Variants in SRGAP1 observed in about 807,000 individuals in gnomAD.
SRGAP1 encodes SLIT-ROBO Rho GTPase-activating protein 1.
SRGAP1 carries 43 observed loss-of-function variants against 121.9 expected under a neutral mutation model. That is an observed-to-expected ratio of 0.35 (90% CI 0.28 to 0.46). The LOEUF (loss-of-function observed/expected upper bound fraction) is 0.46. SRGAP1 is among the 20% of genes least tolerant of loss of function. The probability of loss-of-function intolerance (pLI) is 1.00; values close to 1 mark genes in which losing one functional copy is unlikely to be tolerated. For synonymous variants in SRGAP1, 447 were observed against 485.4 expected (o/e 0.92, Z 1.04); for missense variants, 1,102 against 1,350.9 (o/e 0.82, Z 2.89).
chr12:64,032,219 A>C lies in SRGAP1; in HGVS notation c.490-10571A>C, dbSNP rs569715250. On this transcript the variant is annotated intron_variant, in intron 4 of 21. Transcript: ENST00000355086. ...GCTCCAGTGCTTCTCCCACTGGAAG[A>C]CTGAATCTCAGGTTCTACACAGGAA... Among the ~76,000 whole-genome samples, 5 of 152,186 alleles carry C rather than the reference A, an allele frequency of 3.3e-5. No individual in the cohort carries two copies. The East Asian group carries it at 7.8e-4, about 24-fold the overall frequency.
chr12:63,916,027 CTTTTCTTTTTT>C (rs1313772262), intron 1 of SRGAP1, among the ~76,000 whole-genome samples: 1 of 86,330 alleles, frequency 1.2e-5, no homozygotes, highest in Non-Finnish European at 2.2e-5. Flanking sequence ...CTTTTCTTTT[CTTTTCTTTTTT>C]TTTTTTTTTT....
At chr12:63,925,215 C>T (rs552630524) in intron 1 of SRGAP1, among the ~76,000 whole-genome samples, 1 of 152,142 alleles carries the variant, frequency 6.6e-6, no homozygotes, top group Non-Finnish European at 1.5e-5. Flanking sequence ...GCAAATCATA[C>T]CAGCATTCAT....
At chr12:64,091,407 A>T (rs1452268748) in intron 12 of SRGAP1, 29 bp downstream of exon 12, 2 of 1,516,806 alleles carry the variant, frequency 1.3e-6, no homozygotes, top group Non-Finnish European at 1.8e-6. Context: ...TGGGTGGCTG[A>T]TCTCCATGCT....
At chr12:64,001,761 G>T (rs2033907145) in intron 3 of SRGAP1, among the ~76,000 whole-genome samples, 1 of 152,186 alleles carries the variant, frequency 6.6e-6, no homozygotes, top group Non-Finnish European at 1.5e-5. Context: ...GCTAAGTAAA[G>T]TGTTGCTTAA....
chr12:63,847,831 A>G (rs1898950978), intron 1 of SRGAP1, among the ~76,000 whole-genome samples: 1 of 151,912 alleles, frequency 6.6e-6, no homozygotes. Context: ...TTTTGATTAT[A>G]TGTATTTTTT....
chr12:64,050,099 T>G (rs2035211140), intron 6 of SRGAP1, among the ~76,000 whole-genome samples: 1 of 152,178 alleles, frequency 6.6e-6, no homozygotes, highest in Admixed American at 6.5e-5. Context: ...GTAGAGATCT[T>G]TCACTTCTTT....
At chr12:63,906,163 C>T (rs539898696) in intron 1 of SRGAP1, among the ~76,000 whole-genome samples, 72 of 152,296 alleles carry the variant, frequency 4.7e-4, no homozygotes, top group African/African-American at 1.6e-3. Context: ...TCCCTGGCTT[C>T]CTTCACTTAG....
Position 64,004,458 on chromosome 12 carries a change from A to G in SRGAP1, c.427-12492A>G, listed in dbSNP as rs141665730. ...GTGGTCTCAGCTCACTGCAACTTCC[A>G]CCTTCCGAGTTCAAGTGATTCTCCT... On this transcript the variant is annotated intron_variant, in intron 3 of 21. Transcript: ENST00000355086. Among the ~76,000 whole-genome samples, 224 of 152,072 alleles carry G rather than the reference A, an allele frequency of 1.5e-3. 1 individual carries two copies. The highest frequency in any genetic ancestry group is 5.0e-3 in the African/African-American group (208 of 41,496).
At chr12:64,113,549 T>C (rs554604916) in intron 17 of SRGAP1, among the ~76,000 whole-genome samples, 2 of 152,308 alleles carry the variant, frequency 1.3e-5, no homozygotes, top group South Asian at 2.1e-4. Flanking sequence ...TTTGAGGTGA[T>C]GGATATCCCA....
At chr12:64,127,156 ATGT>A (rs1333324880) in intron 19 of SRGAP1, among the ~76,000 whole-genome samples, 1 of 152,196 alleles carries the variant, frequency 6.6e-6, no homozygotes, top group Non-Finnish European at 1.5e-5. Flanking sequence ...GCACTCTATG[ATGT>A]TCCCACAATG....
intron 1 of SRGAP1, among the ~76,000 whole-genome samples, chr12:63,896,932 T>C (rs1341639055): frequency 6.6e-6 from 1 of 152,228 alleles, no homozygotes; most frequent in East Asian, 1.9e-4. Flanking sequence ...TACTTTACCC[T>C]GGGTTTCGTT....
chr12:63,999,178 T>G (rs916893268), intron 3 of SRGAP1, among the ~76,000 whole-genome samples: 2 of 152,034 alleles, frequency 1.3e-5, no homozygotes, highest in African/African-American at 4.8e-5. Context: ...CGTGAGAGAT[T>G]TCATGGAGGA....
At chr12:64,001,628 A>G (rs115882941) in intron 3 of SRGAP1, among the ~76,000 whole-genome samples, 250 of 152,312 alleles carry the variant, frequency 1.6e-3, no homozygotes, top group African/African-American at 5.1e-3. Context: ...TATTACACAT[A>G]TATTGAGGAC....
intron 1 of SRGAP1, among the ~76,000 whole-genome samples, chr12:63,869,047 A>T (rs1391686907): frequency 6.6e-6 from 1 of 152,196 alleles, no homozygotes; most frequent in Non-Finnish European, 1.5e-5. Flanking sequence ...CAAAGGCATA[A>T]TCCTCTCATT....
intron 1 of SRGAP1, among the ~76,000 whole-genome samples, chr12:63,855,058 T>C (rs961822128): frequency 1.3e-5 from 2 of 152,266 alleles, no homozygotes; most frequent in African/African-American, 4.8e-5. Flanking sequence ...GACTTTAAAC[T>C]AGAGAGATTT....
At chr12:64,044,171 C>A (rs139922750) in intron 6 of SRGAP1, among the ~76,000 whole-genome samples, 1,558 of 152,270 alleles carry the variant, frequency 0.01, 16 homozygotes, top group Non-Finnish European at 0.013. Context: ...TCTCCTAATA[C>A]ATATTCATTA....
At chr12:63,989,605 C>G (rs929926508) in intron 2 of SRGAP1, among the ~76,000 whole-genome samples, 4 of 152,218 alleles carry the variant, frequency 2.6e-5, no homozygotes, top group Non-Finnish European at 2.9e-5. Context: ...GCGTTTAAAG[C>G]TGAGGGCCTG....
chr12:64,105,728 T>G (rs59776688), intron 15 of SRGAP1, among the ~76,000 whole-genome samples: 14,361 of 152,002 alleles, frequency 0.094, 1,618 homozygotes, highest in African/African-American at 0.27. Context: ...AGGTTGCAGT[T>G]AGCTGACATC....
rs148183895 is a variant in SRGAP1, at chr12:63,855,628, C to T, written c.67+10745C>T. ...GCCTCAGCTTCCCAAGTAGGGACTACAGGCGTGCACCACCACACCCGGCTG... is the reference window on the plus strand; with the variant it reads ...GCCTCAGCTTCCCAAGTAGGGACTATAGGCGTGCACCACCACACCCGGCTG... On this transcript the variant is annotated intron_variant, in intron 1 of 21. Transcript: ENST00000355086. Among the ~76,000 whole-genome samples, 913 of 151,690 alleles carry T rather than the reference C, an allele frequency of 6.0e-3. 5 individuals carry two copies. Among genetic ancestry groups the T allele is most frequent in the Non-Finnish European group, 9.9e-3 (671 of 67,902 alleles).
Sources: allele counts gnomAD v4.1 joint callset (sites outside exome capture counted in the v4.1 genomes callset), GRCh38; gene constraint gnomAD v4.1.1; transcripts MANE v1.5; gene names NCBI Gene and HGNC (gene_info 2026-07-23, HGNC 2026-07-21).